The following CDKN2B-AS1 variants were observed in gnomAD, a reference collection of about 807,000 sequenced individuals.
CDKN2B-AS1 encodes CDKN2B and CDKN2A antisense cis and trans regulatory RNA 1, also known as CDKN2B antisense RNA 1 (non-protein coding).
chr9:22,026,470 T>C (rs904082338), intron 1 of CDKN2B-AS1, among the ~76,000 whole-genome samples: 1 of 152,194 alleles, frequency 6.6e-6, no homozygotes, highest in Non-Finnish European at 1.5e-5. Flanking sequence ...CCATAATGGC[T>C]AAGTTGCCCA....
chr9:22,028,395 T>C (rs1489155544), intron 1 of CDKN2B-AS1, among the ~76,000 whole-genome samples: 1 of 152,140 alleles, frequency 6.6e-6, no homozygotes, highest in Non-Finnish European at 1.5e-5. Flanking sequence ...AGGTTTCTAA[T>C]TTTGCTATTC....
chr9:22,035,934 C>T (rs1031900446), intron 1 of CDKN2B-AS1, among the ~76,000 whole-genome samples: 5 of 152,102 alleles, frequency 3.3e-5, no homozygotes, highest in African/African-American at 1.2e-4. Flanking sequence ...GGAGATGCCA[C>T]AGGACAGGGC....
chr9:22,022,972 G>A (rs1305133645), intron 1 of CDKN2B-AS1, among the ~76,000 whole-genome samples: 1 of 152,194 alleles, frequency 6.6e-6, no homozygotes, highest in Non-Finnish European at 1.5e-5. Flanking sequence ...CTTCTGGCTT[G>A]TAGGGTTTCA....
chr9:22,121,757 T>C (rs1826108603), intron 4 of CDKN2B-AS1, among the ~76,000 whole-genome samples: 1 of 152,174 alleles, frequency 6.6e-6, no homozygotes, highest in African/African-American at 2.4e-5. Flanking sequence ...TAGTATTTCA[T>C]TGTGTATATA....
chr9:22,008,888 C>T, intron 1 of CDKN2B-AS1: 1 of 1,612,656 alleles, frequency 6.2e-7, no homozygotes, highest in Non-Finnish European at 8.5e-7. Context: ...GTCCCCGCGC[C>T]GCGGCGCTGG....
chr9:22,054,046 C>T (rs779941152), intron 3 of CDKN2B-AS1, among the ~76,000 whole-genome samples: 13 of 152,000 alleles, frequency 8.6e-5, no homozygotes, highest in South Asian at 2.1e-4. Flanking sequence ...ATCTGCAAAA[C>T]GGAAATTATA....
intron 1 of CDKN2B-AS1, among the ~76,000 whole-genome samples, chr9:22,014,916 C>T (rs951981652): frequency 2.0e-5 from 3 of 151,876 alleles, no homozygotes; most frequent in Admixed American, 6.6e-5. Flanking sequence ...CAATTTCATC[C>T]ATGTCCCTAC....
At chr9:22,036,080 T>C (rs1822677405) in intron 1 of CDKN2B-AS1, among the ~76,000 whole-genome samples, 1 of 152,088 alleles carries the variant, frequency 6.6e-6, no homozygotes, top group African/African-American at 2.4e-5. Context: ...TTTTTCTCTC[T>C]CCTTTCTTAT....
chr9:22,119,943 C>G (rs1826056370), intron 4 of CDKN2B-AS1: 1 of 152,208 alleles, frequency 6.6e-6, no homozygotes, highest in African/African-American at 2.4e-5. Flanking sequence ...AGAACTTTAG[C>G]ATGAACTTGA....
intron 4 of CDKN2B-AS1, among the ~76,000 whole-genome samples, chr9:22,081,667 A>G (rs1387228598): frequency 5.3e-5 from 8 of 152,350 alleles, no homozygotes; most frequent in Admixed American, 4.6e-4. Context: ...AAGTGCTTTC[A>G]TGATTAGACT....
At chr9:22,114,655 T>C (rs1381382049) in intron 4 of CDKN2B-AS1, among the ~76,000 whole-genome samples, 1 of 152,258 alleles carries the variant, frequency 6.6e-6, no homozygotes, top group Non-Finnish European at 1.5e-5. Context: ...TCTGCTGTGC[T>C]TAGTAATTGG....
At chr9:22,023,346 G>T (rs537904313) in intron 1 of CDKN2B-AS1, among the ~76,000 whole-genome samples, 2 of 151,680 alleles carry the variant, frequency 1.3e-5, no homozygotes, top group African/African-American at 4.8e-5. Context: ...CTCTATTCTT[G>T]TCTGCTTGTC....
intron 1 of CDKN2B-AS1, among the ~76,000 whole-genome samples, chr9:22,018,555 G>A (rs1438847773): frequency 6.6e-6 from 1 of 152,296 alleles, no homozygotes; most frequent in Admixed American, 6.5e-5. Flanking sequence ...TACTCGGGAG[G>A]CTGAGGGAGG....
intron 1 of CDKN2B-AS1, among the ~76,000 whole-genome samples, chr9:22,020,191 A>G (rs1264391780): frequency 6.6e-6 from 1 of 152,200 alleles, no homozygotes; most frequent in South Asian, 2.1e-4. Flanking sequence ...TGTCCCTGCA[A>G]AAGGACATGC....
rs1487730236 is a variant in CDKN2B-AS1, at chr9:22,000,322, T to G, written n.29+5161T>G. On this transcript the variant is annotated intron_variant and non_coding_transcript_variant, in intron 1 of 4. Transcript: ENST00000650946. This position sits in a 1 kb window ranked among gnomAD's most constrained non-coding sequence, Gnocchi z 4.1. ...ACTTGGGAGCAAATGTATAATAAAG[T>G]GGTATGCTTCCCTAGAAAGGGGACG... is the stretch of plus-strand genomic sequence containing the variant. Among the ~76,000 whole-genome samples the G allele has an allele frequency of 6.6e-6, 1 of 152,160 alleles. No individual in the cohort carries two copies. The highest frequency in any genetic ancestry group is 1.5e-5 in the Non-Finnish European group (1 of 68,002).
intron 2 of CDKN2B-AS1, chr9:22,046,988 T>C (rs1456443079): frequency 6.6e-6 from 1 of 152,176 alleles, no homozygotes; most frequent in African/African-American, 2.4e-5. Flanking sequence ...TTTAGTAATG[T>C]AGCCTACTTC....
At position 22,000,682 on chromosome 9, in the gene CDKN2B-AS1, G is replaced by A. The variant is rs754400223; in HGVS notation, n.29+5521G>A. Among the ~76,000 whole-genome samples, 30 of 152,202 alleles carry A rather than the reference G, an allele frequency of 2.0e-4. No homozygotes were observed. Among genetic ancestry groups the A allele is most frequent in the African/African-American group, 6.7e-4 (28 of 41,530 alleles). Reference sequence around the variant, plus strand: ...CAATAATCTGCTGACTTGTCTGTGGGTTTTTGAACAGAATAAACTGTTTCT... The same window carrying A: ...CAATAATCTGCTGACTTGTCTGTGGATTTTTGAACAGAATAAACTGTTTCT... On this transcript the variant is annotated intron_variant and non_coding_transcript_variant, in intron 1 of 4. Coordinates refer to ENST00000650946, the Ensembl canonical transcript of CDKN2B-AS1. The surrounding 1 kb of genome is among the most constrained non-coding windows in gnomAD (Gnocchi z 4.1).
intron 1 of CDKN2B-AS1, among the ~76,000 whole-genome samples, chr9:22,033,246 C>T (rs1822550575): frequency 2.0e-5 from 3 of 152,182 alleles, no homozygotes; most frequent in African/African-American, 7.2e-5. Flanking sequence ...CGCTGCACTA[C>T]ACTACCTAAA....
intron 4 of CDKN2B-AS1, among the ~76,000 whole-genome samples, chr9:22,086,546 A>G (rs899428899): frequency 6.6e-6 from 1 of 152,232 alleles, no homozygotes; most frequent in African/African-American, 2.4e-5. Context: ...CTAGAGTTCA[A>G]TAATATTCTT....
Sources: allele counts gnomAD v4.1 joint callset (sites outside exome capture counted in the v4.1 genomes callset), GRCh38; gene constraint gnomAD v4.1.1; non-coding constraint Gnocchi (gnomAD v3.1); transcripts MANE v1.5; gene names NCBI Gene and HGNC (gene_info 2026-07-23, HGNC 2026-07-21).